Variants in NFATC1 observed in about 807,000 individuals in gnomAD.
NFATC1 encodes the protein nuclear factor of activated T-cells, cytoplasmic 1.
A neutral mutation model predicts 76.0 loss-of-function variants in NFATC1; 22 were observed. The observed-to-expected ratio is 0.29, with a 90% confidence interval of 0.21 to 0.41. NFATC1 has a LOEUF of 0.41. Among genes scored for constraint, NFATC1 ranks in the 10% least tolerant of loss-of-function variants. The pLI is 1.00. For missense variants in NFATC1, 1,357 were observed against 1,337.7 expected (o/e 1.01, Z -0.23); for synonymous variants, 704 against 613.1 (o/e 1.15, Z -2.19).
chr18:79,442,727 G>A (rs2087031890), intron 3 of NFATC1, among the ~76,000 whole-genome samples: 1 of 152,226 alleles, frequency 6.6e-6, no homozygotes, highest in Non-Finnish European at 1.5e-5. Context: ...GCTCCGGCGG[G>A]CCACGCCTTG....
intron 2 of NFATC1, among the ~76,000 whole-genome samples, chr18:79,423,538 G>A (rs1013185143): frequency 6.6e-6 from 1 of 152,208 alleles, no homozygotes; most frequent in Non-Finnish European, 1.5e-5. Context: ...TCGGTCCTGG[G>A]AACTGTGGGT....
At chr18:79,514,956 A>G (rs1191099106) in intron 9 of NFATC1, among the ~76,000 whole-genome samples, 1 of 151,994 alleles carries the variant, frequency 6.6e-6, no homozygotes, top group Non-Finnish European at 1.5e-5. Context: ...AGGAGGGAGT[A>G]TTGCTTGAAC....
intron 2 of NFATC1, among the ~76,000 whole-genome samples, chr18:79,419,522 T>TA (rs1404404045): frequency 2.2e-5 from 3 of 135,768 alleles, no homozygotes; most frequent in Non-Finnish European, 3.2e-5. Context: ...GGAGCCCCCC[T>TA]AGGAGGGCCG....
intron 3 of NFATC1, among the ~76,000 whole-genome samples, chr18:79,447,339 G>A (rs1259110907): frequency 3.3e-5 from 5 of 152,270 alleles, no homozygotes; most frequent in Admixed American, 2.6e-4. Context: ...AGGCATCTGC[G>A]TGGTCAGGGG....
At chr18:79,433,241 A>G (rs1471163977) in intron 2 of NFATC1, among the ~76,000 whole-genome samples, 1 of 152,246 alleles carries the variant, frequency 6.6e-6, no homozygotes, top group Non-Finnish European at 1.5e-5. Flanking sequence ...TTCTTAGGCC[A>G]CAGCCCATCC....
chr18:79,448,934 C>T lies in NFATC1; in HGVS notation c.1539C>T (p.Asn513=), dbSNP rs139461504. The change falls in exon 4 of 10, where the codon AAC becomes AAT. Residue 513 remains asparagine (N), a synonymous_variant. Coordinates refer to ENST00000427363, the MANE Select transcript of NFATC1 (RefSeq NM_001278669.2). ...CCAGCCACGAGGCCATCCTCTCCAA[C>T]ACCAAAGTCCTGGAGATCCCACTCC... The part of the protein sequence containing the change: ...STTSHEAILS[N]TKVLEIPLLP... 98 of 1,613,748 alleles carry T rather than the reference C, an allele frequency of 6.1e-5. No homozygotes were observed. The African/African-American group carries it at 1.2e-3, about 20-fold the overall frequency.
At chr18:79,420,959 G>A (rs1369820653) in intron 2 of NFATC1, 8 of 152,456 alleles carry the variant, frequency 5.2e-5, no homozygotes, top group African/African-American at 1.7e-4. Context: ...GGGGAAGAGG[G>A]AGGCCCCTCC....
rs113736099 is a variant in NFATC1, at chr18:79,467,591, A to C, written c.2092+9A>C. ...CTACCTTCCCGCCAACGGTAACGCC[A>C]TCTTTCTAACCGTAAGCCGTGAACA... On this transcript the variant is annotated intron_variant, in intron 8 of 9. Coordinates refer to ENST00000427363, the MANE Select transcript of NFATC1 (RefSeq NM_001278669.2). The C allele has an allele frequency of 7.9e-4, 1,277 of 1,613,828 alleles. 1 individual carries two copies. Among genetic ancestry groups the C allele is most frequent in the African/African-American group, 1.6e-3 (123 of 75,038 alleles).
At chr18:79,509,782 G>A (rs1173679341) in intron 9 of NFATC1, among the ~76,000 whole-genome samples, 4 of 152,210 alleles carry the variant, frequency 2.6e-5, no homozygotes, top group Non-Finnish European at 5.9e-5. Flanking sequence ...GCGAAGCTGG[G>A]GAGCTCTGAG....
chr18:79,467,285 T>C (rs2304741), intron 7 of NFATC1, among the ~76,000 whole-genome samples, 165 bp from the exon 8 acceptor site: 61,039 of 150,168 alleles, frequency 0.41, 14,423 homozygotes, highest in African/African-American at 0.66. Context: ...GTCACGGCAG[T>C]CCTGTGCTGC....
At chr18:79,478,238 C>T (rs1317391391) in intron 8 of NFATC1, among the ~76,000 whole-genome samples, 3 of 151,896 alleles carry the variant, frequency 2.0e-5, no homozygotes, top group East Asian at 1.9e-4. Context: ...TGCCTGCCAC[C>T]GTGTTGCTCA....
chr18:79,442,649 G>A (rs749425738), intron 3 of NFATC1, among the ~76,000 whole-genome samples: 2 of 152,040 alleles, frequency 1.3e-5, no homozygotes, highest in African/African-American at 4.8e-5. Flanking sequence ...TGGCGGCGGC[G>A]GGTGGTGGCA....
At chr18:79,499,904 T>G (rs1026396654) in intron 9 of NFATC1, among the ~76,000 whole-genome samples, 3 of 152,200 alleles carry the variant, frequency 2.0e-5, no homozygotes, top group Non-Finnish European at 4.4e-5. Context: ...ATGTTCTCTT[T>G]GATCTTAAAC....
intron 9 of NFATC1, among the ~76,000 whole-genome samples, chr18:79,519,155 C>A (rs575838986): frequency 6.6e-6 from 1 of 152,270 alleles, no homozygotes; most frequent in Admixed American, 6.5e-5. Flanking sequence ...AGGCTGCTCA[C>A]AGATCTCCGA....
At chr18:79,408,884 CCATCCATCCAT>C (rs1469476968) in intron 1 of NFATC1, among the ~76,000 whole-genome samples, 3 of 151,420 alleles carry the variant, frequency 2.0e-5, no homozygotes, top group Admixed American at 6.6e-5. Flanking sequence ...CATTCCCTAT[CCATCCATCCAT>C]CATCCATCCA....
intron 9 of NFATC1, among the ~76,000 whole-genome samples, chr18:79,518,409 G>T (rs1355582509): frequency 2.6e-5 from 4 of 152,222 alleles, no homozygotes; most frequent in African/African-American, 9.6e-5. Flanking sequence ...TGTAAAGGGC[G>T]ATGGAGCCCC....
At chr18:79,412,585 C>T (rs1403184083) in intron 2 of NFATC1, among the ~76,000 whole-genome samples, 5 of 152,180 alleles carry the variant, frequency 3.3e-5, no homozygotes, top group East Asian at 1.9e-4. Flanking sequence ...TGGGAGGACC[C>T]GTCTCTGCTC....
intron 1 of NFATC1, among the ~76,000 whole-genome samples, chr18:79,397,393 C>G (rs940528708): frequency 2.6e-5 from 4 of 152,044 alleles, no homozygotes; most frequent in Middle Eastern, 3.4e-3. Flanking sequence ...TCCTGCGCGA[C>G]CCTGATAACT....
chr18:79,451,268 A>T, intron 5 of NFATC1, 142 bp downstream of exon 5: 1 of 1,084,484 alleles, frequency 9.2e-7, no homozygotes, highest in Non-Finnish European at 1.3e-6. Flanking sequence ...TGTGGCCACG[A>T]GGGGTCTGAG....
Sources: gnomAD v4.1 joint callset for allele counts (sites outside exome capture counted in the v4.1 genomes callset) on GRCh38, gnomAD v4.1.1 for gene constraint, MANE v1.5 for transcripts, NCBI Gene and HGNC (gene_info 2026-07-23, HGNC 2026-07-21) for gene names.